Variants in RELCH observed in about 807,000 individuals in gnomAD.
The protein encoded by RELCH is RAB11 binding and LisH domain, coiled-coil and HEAT repeat containing.
A neutral mutation model predicts 150.3 loss-of-function variants in RELCH; 41 were observed. The ratio of observed to expected loss-of-function variants is 0.27; its 90% confidence interval spans 0.21 to 0.35. The LOEUF (loss-of-function observed/expected upper bound fraction) is 0.35. RELCH is among the 10% of genes least tolerant of loss of function. RELCH has a pLI of 1.00. For synonymous variants in RELCH, 478 were observed against 531.8 expected (o/e 0.90, Z 1.39); for missense variants, 1,092 against 1,467.8 (o/e 0.74, Z 4.18).
At chr18:62,192,976 A>G (rs965253101) in intron 1 of RELCH, among the ~76,000 whole-genome samples, 8 of 152,240 alleles carry the variant, frequency 5.3e-5, no homozygotes, top group East Asian at 1.9e-4. Flanking sequence ...TTTGGGCAGT[A>G]TAGCCATTTT....
At chr18:62,263,824 T>C (rs763011592) in intron 16 of RELCH, among the ~76,000 whole-genome samples, 165 bp from the exon 17 acceptor site, 20 of 152,076 alleles carry the variant, frequency 1.3e-4, no homozygotes, top group Non-Finnish European at 2.2e-4. Context: ...TTTCTTGATT[T>C]TCCTAAAAAT....
chr18:62,264,989 T>A, intron 18 of RELCH, 137 bp downstream of exon 18: 1 of 665,946 alleles, frequency 1.5e-6, no homozygotes, highest in Non-Finnish European at 2.3e-6. Context: ...AATACTATGA[T>A]AGTAAAAAAA....
chr18:62,204,565 A>G (rs2039662393), intron 1 of RELCH, among the ~76,000 whole-genome samples: 1 of 152,132 alleles, frequency 6.6e-6, no homozygotes. Flanking sequence ...CCCCTCAAAC[A>G]GTCCCCCGCC....
rs1417347626 is a variant in RELCH at position 62,261,502 on chromosome 18, A to C, written c.2203-9A>C. On this transcript the variant is annotated splice_polypyrimidine_tract_variant and intron_variant, in intron 15 of 28. Coordinates refer to ENST00000644646, the MANE Select transcript of RELCH (RefSeq NM_001346231.2). ...GACTAAAATTAGCTTCCACCTCCTT[A>C]TGTTTCAGGAAGGAGAACATGGACT... is the stretch of plus-strand genomic sequence containing the variant. 6.2e-7 allele frequency: 1 copy of C among 1,609,422 alleles called. No homozygotes were observed. The highest frequency in any genetic ancestry group is 8.5e-7 in the Non-Finnish European group (1 of 1,177,356).
In RELCH at chr18:62,286,352, G is replaced by A. The variant is rs151333056; in HGVS notation, c.3254-999G>A. On this transcript the variant is annotated intron_variant, in intron 25 of 28. Coordinates refer to ENST00000644646, the MANE Select transcript of RELCH (RefSeq NM_001346231.2). Reference sequence around the variant, plus strand: ...TCATAAATATACTGTTATTAATTTTGACAAGTCAAAAGGTCCCCTAAAAAT... The same window carrying A: ...TCATAAATATACTGTTATTAATTTTAACAAGTCAAAAGGTCCCCTAAAAAT... 2.3e-3 allele frequency among the ~76,000 whole-genome samples: 355 copies of A among 152,078 alleles called. 10 individuals are homozygous for A. The East Asian group carries it at 0.064, about 28-fold the overall frequency.
chr18:62,213,021 G>C, intron 2 of RELCH, among the ~76,000 whole-genome samples: 1 of 152,160 alleles, frequency 6.6e-6, no homozygotes, highest in East Asian at 1.9e-4. Context: ...TCAAATCATG[G>C]TTGAGTTATG....
intron 1 of RELCH, among the ~76,000 whole-genome samples, chr18:62,202,924 A>G (rs950067229): frequency 3.3e-5 from 5 of 152,202 alleles, no homozygotes. Flanking sequence ...TTGGTTGATA[A>G]AAGTTCACCA....
chr18:62,248,078 G>A (rs2042514447), intron 11 of RELCH, among the ~76,000 whole-genome samples: 1 of 152,132 alleles, frequency 6.6e-6, no homozygotes, highest in Non-Finnish European at 1.5e-5. Context: ...GGTATGAATA[G>A]TGTTAATCAA....
intron 15 of RELCH, among the ~76,000 whole-genome samples, chr18:62,259,892 T>C (rs925262691): frequency 2.0e-5 from 3 of 151,782 alleles, no homozygotes; most frequent in African/African-American, 7.3e-5. Context: ...GAAAGGACAG[T>C]TTCTTCAGTA....
intron 27 of RELCH, among the ~76,000 whole-genome samples, chr18:62,291,873 A>G (rs1219053538): frequency 6.6e-6 from 1 of 152,214 alleles, no homozygotes; most frequent in African/African-American, 2.4e-5. Context: ...ATGAGACTTT[A>G]ATAAGATAAT....
chr18:62,215,268 AAAG>A (rs2040413894), intron 2 of RELCH, among the ~76,000 whole-genome samples: 1 of 152,184 alleles, frequency 6.6e-6, no homozygotes, highest in Non-Finnish European at 1.5e-5. Flanking sequence ...TATGAGGCAA[AAAG>A]AAGAAGAATA....
chr18:62,209,311 G>A (rs1366624005), intron 1 of RELCH, among the ~76,000 whole-genome samples: 2 of 152,104 alleles, frequency 1.3e-5, no homozygotes, highest in Non-Finnish European at 2.9e-5. Context: ...ATCCATTTTT[G>A]CTTGTGATGT....
chr18:62,233,852 ATGAT>A (rs1310325623), intron 10 of RELCH, among the ~76,000 whole-genome samples: 1 of 151,960 alleles, frequency 6.6e-6, no homozygotes, highest in Non-Finnish European at 1.5e-5. Context: ...TACCATTAAA[ATGAT>A]TGTACTGCAT....
chr18:62,249,983 T>C (rs2042616433), intron 11 of RELCH, among the ~76,000 whole-genome samples: 1 of 152,174 alleles, frequency 6.6e-6, no homozygotes, highest in South Asian at 2.1e-4. Context: ...TCAATAATGA[T>C]GCTTTCACCA....
chr18:62,194,480 A>G (rs1310983312), intron 1 of RELCH, among the ~76,000 whole-genome samples: 1 of 152,240 alleles, frequency 6.6e-6, no homozygotes, highest in African/African-American at 2.4e-5. Flanking sequence ...GAGAAAAGAA[A>G]TATTTCTTAA....
intron 20 of RELCH, among the ~76,000 whole-genome samples, chr18:62,269,737 T>C (rs990613124): frequency 1.3e-5 from 2 of 152,138 alleles, no homozygotes; most frequent in African/African-American, 4.8e-5. Context: ...ATATGACATA[T>C]CATCAATACA....
At chr18:62,288,681 T>G (rs2044949979) in intron 26 of RELCH, among the ~76,000 whole-genome samples, 1 of 152,162 alleles carries the variant, frequency 6.6e-6, no homozygotes, top group Admixed American at 6.5e-5. Context: ...TTTAATAATT[T>G]TGTAACCTCA....
intron 20 of RELCH, among the ~76,000 whole-genome samples, chr18:62,271,332 C>T (rs564579389): frequency 8.9e-4 from 136 of 152,324 alleles, no homozygotes; most frequent in Non-Finnish European, 1.6e-3. Context: ...TTGCACTTCT[C>T]TGATGGCCAG....
At chr18:62,189,748 T>C (rs2038481303) in intron 1 of RELCH, among the ~76,000 whole-genome samples, 1 of 152,254 alleles carries the variant, frequency 6.6e-6, no homozygotes, top group African/African-American at 2.4e-5. Flanking sequence ...GAAAGAATTA[T>C]AATTGAGCTC....
Sources: allele counts gnomAD v4.1 joint callset (sites outside exome capture counted in the v4.1 genomes callset), GRCh38; gene constraint gnomAD v4.1.1; transcripts MANE v1.5; gene names NCBI Gene and HGNC (gene_info 2026-07-23, HGNC 2026-07-21).